Variants in FAM163A observed in about 807,000 individuals in gnomAD.
The protein encoded by FAM163A is protein FAM163A.
FAM163A carries 7 observed loss-of-function variants against 12.0 expected under a neutral mutation model. The observed-to-expected ratio is 0.58, with a 90% confidence interval of 0.33 to 1.10. The LOEUF (loss-of-function observed/expected upper bound fraction) is 1.10, where lower values mean the gene tolerates loss of function less well. FAM163A is among the 50% of genes least tolerant of loss of function. The pLI, the probability that FAM163A is intolerant of heterozygous loss-of-function variation, is 0.03. For missense variants in FAM163A, 202 were observed against 218.6 expected (o/e 0.92, Z 0.48); for synonymous variants, 101 against 91.0 (o/e 1.11, Z -0.62).
At chr1:179,758,569 T>A (rs1298378332) in intron 1 of FAM163A, among the ~76,000 whole-genome samples, 2 of 152,240 alleles carry the variant, frequency 1.3e-5, no homozygotes. Context: ...CAGAGCTTCT[T>A]TGTCCACACA....
intron 1 of FAM163A, among the ~76,000 whole-genome samples, chr1:179,805,357 A>G (rs2148338264): frequency 6.6e-6 from 1 of 152,264 alleles, no homozygotes; most frequent in South Asian, 2.1e-4. Flanking sequence ...ATTTCTACTA[A>G]AAATACAAAA....
At chr1:179,744,377 C>T (rs1684137440) in intron 1 of FAM163A, among the ~76,000 whole-genome samples, 1 of 152,016 alleles carries the variant, frequency 6.6e-6, no homozygotes. Flanking sequence ...AGTGTGGGGA[C>T]GAGGCCCGCA....
chr1:179,729,983 G>T, the FAM163A span, among the ~76,000 whole-genome samples: 1 of 152,206 alleles, frequency 6.6e-6, no homozygotes, highest in Non-Finnish European at 1.5e-5. Flanking sequence ...AGCTCCATTA[G>T]GAGATTTGAG....
intron 1 of FAM163A, among the ~76,000 whole-genome samples, chr1:179,795,955 T>C (rs1557958036): frequency 1.3e-5 from 2 of 149,018 alleles, no homozygotes; most frequent in African/African-American, 2.5e-5. Context: ...CAGGAGTCTT[T>C]CTCTATTATT....
chr1:179,805,689 C>T (rs542347204), intron 1 of FAM163A, among the ~76,000 whole-genome samples: 1 of 152,350 alleles, frequency 6.6e-6, no homozygotes, highest in South Asian at 2.1e-4. Context: ...CTGCTGTCTA[C>T]ACCGCCCTGT....
chr1:179,784,770 A>T (rs980662394), intron 1 of FAM163A, among the ~76,000 whole-genome samples: 3 of 152,242 alleles, frequency 2.0e-5, no homozygotes, highest in Non-Finnish European at 2.9e-5. Flanking sequence ...GAATTGTGAC[A>T]TGTCGCAGTG....
chr1:179,776,628 C>A (rs1353608521), intron 1 of FAM163A, among the ~76,000 whole-genome samples: 4 of 152,162 alleles, frequency 2.6e-5, no homozygotes. Context: ...CCCTTCATTT[C>A]CATAGGATGC....
chr1:179,744,835 C>T (rs1431509589), intron 1 of FAM163A, among the ~76,000 whole-genome samples: 1 of 152,182 alleles, frequency 6.6e-6, no homozygotes, highest in Non-Finnish European at 1.5e-5. Flanking sequence ...CTGCTTGGTC[C>T]TCTAGCAGCT....
At chr1:179,787,483 A>G (rs1214549466) in intron 1 of FAM163A, among the ~76,000 whole-genome samples, 1 of 152,254 alleles carries the variant, frequency 6.6e-6, no homozygotes, top group Non-Finnish European at 1.5e-5. Flanking sequence ...CTGTAATCAA[A>G]TAACGACATG....
At chr1:179,776,736 T>C (rs1288716270) in intron 1 of FAM163A, among the ~76,000 whole-genome samples, 1 of 152,226 alleles carries the variant, frequency 6.6e-6, no homozygotes, top group Non-Finnish European at 1.5e-5. Context: ...AATTTAAATC[T>C]GTTTAATGTA....
Position 179,751,390 on chromosome 1 carries a change from C to T in FAM163A, c.-136+7967C>T, listed in dbSNP as rs202179425. 3.3e-5 allele frequency among the ~76,000 whole-genome samples: 5 copies of T among 151,902 alleles called. No individual in the cohort carries two copies. The South Asian group carries it at 8.3e-4, about 25-fold the overall frequency. On this transcript the variant is annotated intron_variant, in intron 1 of 4. Transcript: ENST00000341785. ...CCAAGGGCAGAGCATTTCCTGAAGA[C>T]GAAAAGAGAAAGCATAGGTGCTGCT...
rs77119020 is a variant in FAM163A at position 179,775,935 on chromosome 1, G to T, written c.-135-31863G>T. Among the ~76,000 whole-genome samples the T allele has an allele frequency of 2.8e-4, 43 of 152,246 alleles. No individual in the cohort carries two copies. In the East Asian group the frequency reaches 7.7e-3, roughly 27 times the overall value. ...ATTCCCCAGGGTCCTTGGCGGAAAA[G>T]ATTTATTCCTATTAATTCTTTGCTA... On this transcript the variant is annotated intron_variant, in intron 1 of 4. Transcript: ENST00000341785.
intron 1 of FAM163A, among the ~76,000 whole-genome samples, chr1:179,763,293 A>G (rs532669447): frequency 6.6e-6 from 1 of 152,212 alleles, no homozygotes; most frequent in East Asian, 1.9e-4. Context: ...GGTAACTTCT[A>G]CTCTCTTTTC....
chr1:179,790,665 G>A (rs1408906571), intron 1 of FAM163A, among the ~76,000 whole-genome samples: 1 of 152,082 alleles, frequency 6.6e-6, no homozygotes, highest in Admixed American at 6.6e-5. Flanking sequence ...TTAGGATTAG[G>A]TCAGATCACT....
Position 179,816,133 on chromosome 1 carries a change from C to G in FAM163A, c.*1944C>G, listed in dbSNP as rs1442490083. Reference sequence around the variant, plus strand: ...CTGGATGTATTTACCCAACTCTGATCTTGCGTGCAGGGATGCTTGCTGATG... The same window carrying G: ...CTGGATGTATTTACCCAACTCTGATGTTGCGTGCAGGGATGCTTGCTGATG... On this transcript the variant is annotated 3_prime_UTR_variant, in exon 5 of 5. Transcript: ENST00000341785. 1 of 152,244 alleles carries G rather than the reference C, an allele frequency of 6.6e-6. No individual in the cohort carries two copies. The highest frequency in any genetic ancestry group is 1.5e-5 in the Non-Finnish European group (1 of 68,044). 9.4% of individuals were successfully genotyped at this position (152,244 alleles called of 1,614,324 possible).
the FAM163A span, among the ~76,000 whole-genome samples, chr1:179,731,549 T>C: frequency 6.6e-6 from 1 of 152,330 alleles, no homozygotes; most frequent in South Asian, 2.1e-4. Flanking sequence ...AGTAAATTTA[T>C]GTGATAGATT....
chr1:179,747,047 G>A (rs1404237119), intron 1 of FAM163A, among the ~76,000 whole-genome samples: 2 of 152,086 alleles, frequency 1.3e-5, no homozygotes, highest in Non-Finnish European at 2.9e-5. Flanking sequence ...GACTGGATAG[G>A]ATTGGGTAAA....
the FAM163A span, among the ~76,000 whole-genome samples, chr1:179,733,902 T>C: frequency 2.0e-3 from 298 of 152,334 alleles, 4 homozygotes; most frequent in African/African-American, 6.9e-3. Context: ...TTCCTCCTTG[T>C]TCCTCCTATC....
At chr1:179,784,363 T>TG (rs1690298901) in intron 1 of FAM163A, among the ~76,000 whole-genome samples, 1 of 152,220 alleles carries the variant, frequency 6.6e-6, no homozygotes, top group Non-Finnish European at 1.5e-5. Flanking sequence ...GCTCTGTAAC[T>TG]TACTGGATGT....
Sources: gnomAD v4.1 joint callset for allele counts (sites outside exome capture counted in the v4.1 genomes callset) on GRCh38, gnomAD v4.1.1 for gene constraint, MANE v1.5 for transcripts, NCBI Gene and HGNC (gene_info 2026-07-23, HGNC 2026-07-21) for gene names.